Variants in CA12 observed in about 807,000 individuals in gnomAD.
The protein encoded by CA12 is carbonic anhydrase 12.
Under a neutral mutation model 46.8 loss-of-function variants are expected in CA12, and 36 were observed. The observed-to-expected ratio is 0.77, with a 90% CI of 0.59 to 1.02. CA12 has a LOEUF of 1.02. Among genes scored for constraint, CA12 ranks in the 50% least tolerant of loss-of-function variants. The pLI, the probability that CA12 is intolerant of heterozygous loss-of-function variation, is 0.00. For synonymous variants in CA12, 202 were observed against 187.0 expected, an observed-to-expected ratio of 1.08 and a Z score of -0.65; for missense variants, 436 against 451.4, an observed-to-expected ratio of 0.97 and a Z score of 0.31.
At chr15:63,334,621 T>C (rs1260118467) in intron 8 of CA12, among the ~76,000 whole-genome samples, 1 of 151,420 alleles carries the variant, frequency 6.6e-6, no homozygotes, top group East Asian at 1.9e-4. Context: ...CCATAAAGAG[T>C]GGACGTTTTA....
intron 8 of CA12, among the ~76,000 whole-genome samples, chr15:63,336,543 C>CTTTT (rs71998323): frequency 1.1e-3 from 94 of 86,216 alleles, no homozygotes; most frequent in African/African-American, 2.6e-3. Flanking sequence ...TCCAACCTGG[C>CTTTT]TTTTTTTTTT....
rs961804089 is a variant in CA12 at position 63,329,734 on chromosome 15, G to A, written c.875-1604C>T. 4.6e-5 allele frequency among the ~76,000 whole-genome samples: 7 copies of A among 152,166 alleles called. No homozygotes were observed. Among genetic ancestry groups the A allele is most frequent in the Admixed American group, 6.5e-5 (1 of 15,280 alleles). On this transcript the variant is annotated intron_variant, in intron 8 of 10. Transcript: ENST00000178638. This position sits in a 1 kb window ranked among gnomAD's most constrained non-coding sequence, Gnocchi z 4.8. ...GGCCCTGGGAGAGCCCTGGTCAAGT[G>A]TAAGATGCCAGCAGGGGGCCAAGGA...
chr15:63,354,598 C>T (rs1223423211), intron 2 of CA12, among the ~76,000 whole-genome samples: 2 of 152,100 alleles, frequency 1.3e-5, no homozygotes, highest in African/African-American at 4.8e-5. Context: ...AGACACCATC[C>T]TGAGGATGTC....
At chr15:63,346,431 G>A (rs1261433461) in intron 3 of CA12, 99 bp downstream of exon 3, 3 of 512,044 alleles carry the variant, frequency 5.9e-6, no homozygotes, top group Non-Finnish European at 1.1e-5. Flanking sequence ...CCTCCTGGAT[G>A]CTTCCACGGA....
chr15:63,326,588 A>C (rs1198780238), intron 10 of CA12, among the ~76,000 whole-genome samples: 1 of 152,146 alleles, frequency 6.6e-6, no homozygotes, highest in Non-Finnish European at 1.5e-5. Context: ...TAGTAGACCT[A>C]TATTTTGAAA....
chr15:63,356,457 G>T (rs1310445517), intron 2 of CA12, among the ~76,000 whole-genome samples: 1 of 152,088 alleles, frequency 6.6e-6, no homozygotes, highest in African/African-American at 2.4e-5. Context: ...TTTATTGTTG[G>T]TGGGAACATC....
At chr15:63,326,431 T>C (rs933012267) in intron 10 of CA12, 74 bp from the exon 11 acceptor site, 21 of 1,207,932 alleles carry the variant, frequency 1.7e-5, no homozygotes, top group Middle Eastern at 1.9e-4. Flanking sequence ...GACTCAGGTA[T>C]GGAATGAGGC....
chr15:63,342,475 AG>A lies in CA12; in HGVS notation c.430-379del, dbSNP rs1382215764. Among the ~76,000 whole-genome samples, 147 of 152,338 alleles carry A rather than the reference AG, an allele frequency of 9.6e-4. 1 individual carries two copies. The highest frequency in any genetic ancestry group is 3.1e-4 in the Non-Finnish European group (21 of 68,036). ...AGAAAGGAATGTCTGGGTTCCAATA[AG>A]GGGTTGTAGAGACCAAGATTTTATC... is the stretch of plus-strand genomic sequence containing the variant. On this transcript the variant is annotated intron_variant, in intron 4 of 10. Coordinates refer to ENST00000178638, the MANE Select transcript of CA12 (RefSeq NM_001218.5).
At chr15:63,343,316 T>C (rs1031347031) in intron 4 of CA12, among the ~76,000 whole-genome samples, 1 of 140,898 alleles carries the variant, frequency 7.1e-6, no homozygotes. Flanking sequence ...AGTTTCGCTC[T>C]TGTTGCCCAG....
intron 2 of CA12, among the ~76,000 whole-genome samples, chr15:63,362,771 T>G (rs531114711): frequency 4.7e-4 from 72 of 152,302 alleles, no homozygotes; most frequent in Non-Finnish European, 7.6e-4. Context: ...ATTTAAAGTT[T>G]TCCTTTATAG....
In CA12 at chr15:63,345,514, G is replaced by T; in HGVS notation, c.392C>A (p.Ser131Tyr). The change falls in exon 4 of 11, where the codon TCT becomes TAT. Residue 131 changes from serine (S) to tyrosine (Y), a missense_variant. Coordinates refer to ENST00000178638, the MANE Select transcript of CA12 (RefSeq NM_001218.5). The surrounding 1 kb of genome is among the most constrained non-coding windows in gnomAD (Gnocchi z 4.3). ...HWGNPNDPHG[S>Y]EHTVSGQHFA... ...GTGCTGTCCGCTGACGGTGTGCTCA[G>T]AGCCGTGCGGGTCATTCGGGTTCCC... 1 of 1,611,930 alleles carries T rather than the reference G, an allele frequency of 6.2e-7. No individual in the cohort carries two copies.
Position 63,381,799 on chromosome 15 carries a change from G to T in CA12, c.-79C>A. 1 of 953,074 alleles carries T rather than the reference G, an allele frequency of 1.0e-6. No individual in the cohort carries two copies. The highest frequency in any genetic ancestry group is 2.2e-5 in the South Asian group (1 of 46,502). 59.0% of individuals were successfully genotyped at this position (953,074 alleles called of 1,614,324 possible). A position where few individuals can be genotyped will look rare whatever the true frequency, so the allele number is the denominator to read the frequency against. On this transcript the variant is annotated 5_prime_UTR_variant, in exon 1 of 11. Transcript: ENST00000178638. ...CGCTCGCTCTCCAGCTGCACACCGGGACCGCGTGCGCGCAGCCTGGGTGCC... is the reference window on the plus strand; with the variant it reads ...CGCTCGCTCTCCAGCTGCACACCGGTACCGCGTGCGCGCAGCCTGGGTGCC...
At chr15:63,343,511 C>T (rs1316415144) in intron 4 of CA12, among the ~76,000 whole-genome samples, 1 of 151,886 alleles carries the variant, frequency 6.6e-6, no homozygotes, top group Non-Finnish European at 1.5e-5. Context: ...GAACTCCTGA[C>T]CTCCGGTGAT....
At chr15:63,362,312 AG>A (rs1049074177) in intron 2 of CA12, among the ~76,000 whole-genome samples, 4 of 152,264 alleles carry the variant, frequency 2.6e-5, no homozygotes, top group Non-Finnish European at 5.9e-5. Context: ...TAATAGACAA[AG>A]GAACCCAGGC....
chr15:63,357,346 T>G (rs1439871166), intron 2 of CA12, among the ~76,000 whole-genome samples: 1 of 152,224 alleles, frequency 6.6e-6, no homozygotes, highest in South Asian at 2.1e-4. Flanking sequence ...GTGATGCTGC[T>G]GCTGCTGGGT....
chr15:63,380,239 T>G (rs527834668), intron 1 of CA12, among the ~76,000 whole-genome samples: 86 of 151,242 alleles, frequency 5.7e-4, no homozygotes, highest in African/African-American at 1.9e-3. Flanking sequence ...ACTTGGAGAA[T>G]TGGGAGAGGA....
chr15:63,325,050 G>T lies in CA12; in HGVS notation c.*1235C>A, dbSNP rs2038848313. 1 of 152,174 alleles carries T rather than the reference G, an allele frequency of 6.6e-6. No individual in the cohort carries two copies. Among genetic ancestry groups the T allele is most frequent in the South Asian group, 2.1e-4 (1 of 4,830 alleles). The allele number at this position is 152,174 out of a possible 1,614,324, so 9.4% of individuals were successfully genotyped here. A position where few individuals can be genotyped will look rare whatever the true frequency, so the allele number is the denominator to read the frequency against. ...TCAGAAACTGTCTGTGTGATTCGGG[G>T]AAGAATATGGAGTATCTTAGTAGCA... On this transcript the variant is annotated 3_prime_UTR_variant, in exon 11 of 11. Transcript: ENST00000178638. The surrounding 1 kb of genome is among the most constrained non-coding windows in gnomAD (Gnocchi z 4.9).
At position 63,330,129 on chromosome 15, in the gene CA12, G is replaced by T. The variant is rs2038917715; in HGVS notation, c.875-1999C>A. ...AGTGGCAGAGTGGCTCCACTGGCCA[G>T]ACTCCCTGCCCCAGGCCTCTTCGTG... On this transcript the variant is annotated intron_variant, in intron 8 of 10. Coordinates refer to ENST00000178638, the MANE Select transcript of CA12 (RefSeq NM_001218.5). The surrounding 1 kb of genome is among the most constrained non-coding windows in gnomAD (Gnocchi z 4.0). 6.6e-6 allele frequency among the ~76,000 whole-genome samples: 1 copy of T among 152,236 alleles called. No individual in the cohort carries two copies. The highest frequency in any genetic ancestry group is 2.1e-4 in the South Asian group (1 of 4,836).
At chr15:63,346,399 A>ACCCC in intron 3 of CA12, 131 bp downstream of exon 3, 11 of 705,602 alleles carry the variant, frequency 1.6e-5, no homozygotes, top group East Asian at 8.4e-5. Flanking sequence ...TCTCAAAGAC[A>ACCCC]CCCCCGCCCC....
Sources: allele counts gnomAD v4.1 joint callset (sites outside exome capture counted in the v4.1 genomes callset), GRCh38; gene constraint gnomAD v4.1.1; non-coding constraint Gnocchi (gnomAD v3.1); transcripts MANE v1.5; gene names NCBI Gene and HGNC (gene_info 2026-07-23, HGNC 2026-07-21).